CYB5R4: variants seen among roughly 807,000 people sequenced by gnomAD.
The protein encoded by CYB5R4 is cytochrome b5 reductase 4.
Under a neutral mutation model 70.2 loss-of-function variants are expected in CYB5R4, and 55 were observed. The ratio of observed to expected loss-of-function variants is 0.78; its 90% CI spans 0.63 to 0.98. CYB5R4 has a LOEUF of 0.98. Among genes scored for constraint, CYB5R4 ranks in the 50% least tolerant of loss-of-function variants. CYB5R4 has a pLI of 0.00. For synonymous variants in CYB5R4, 197 were observed against 199.5 expected, an observed-to-expected ratio of 0.99 and a Z score of 0.11; for missense variants, 562 against 612.6, an observed-to-expected ratio of 0.92 and a Z score of 0.87.
At chr6:83,882,463 C>G (rs954218657) in intron 2 of CYB5R4, among the ~76,000 whole-genome samples, 1 of 152,110 alleles carries the variant, frequency 6.6e-6, no homozygotes, top group African/African-American at 2.4e-5. Context: ...GAGTTGTGTC[C>G]AGTCGAGTTA....
rs1434829981 is a variant in CYB5R4 at position 83,966,279 on chromosome 6, A to G, written c.*6401A>G. On this transcript the variant is annotated 3_prime_UTR_variant, in exon 16 of 16. Coordinates refer to ENST00000369681, the MANE Select transcript of CYB5R4 (RefSeq NM_016230.4). ...AGATGAATTGTATCTAATTTGAACC[A>G]TATCTCAGTAAAGATATAAAAATGT... 1 of 152,250 alleles carries G rather than the reference A, an allele frequency of 6.6e-6. No homozygotes were observed. Among genetic ancestry groups the G allele is most frequent in the African/African-American group, 2.4e-5 (1 of 41,472 alleles). The allele number at this position is 152,250 out of a possible 1,614,324, so 9.4% of individuals were successfully genotyped here. A position where few individuals can be genotyped will look rare whatever the true frequency, so the allele number is the denominator to read the frequency against.
intron 2 of CYB5R4, among the ~76,000 whole-genome samples, chr6:83,887,053 CAAAT>C (rs937497054): frequency 2.6e-5 from 4 of 151,968 alleles, no homozygotes; most frequent in Non-Finnish European, 4.4e-5. Flanking sequence ...AAATTGAAAA[CAAAT>C]AAATATAAAA....
chr6:83,923,690 A>G (rs369789394), intron 9 of CYB5R4, among the ~76,000 whole-genome samples: 1 of 152,142 alleles, frequency 6.6e-6, no homozygotes, highest in Non-Finnish European at 1.5e-5. Context: ...ATTCACATGC[A>G]CTTTATCAAT....
chr6:83,959,546 A>G (rs1178512738), intron 15 of CYB5R4, among the ~76,000 whole-genome samples: 2 of 152,184 alleles, frequency 1.3e-5, no homozygotes, highest in Admixed American at 1.3e-4. Flanking sequence ...GCCAATCATA[A>G]TGAGTAAATT....
At chr6:83,916,663 T>C (rs1297374087) in intron 5 of CYB5R4, among the ~76,000 whole-genome samples, 1 of 152,144 alleles carries the variant, frequency 6.6e-6, no homozygotes, top group African/African-American at 2.4e-5. Context: ...CAGAGTTATG[T>C]GGGAAGAAAT....
intron 9 of CYB5R4, 72 bp from the exon 10 acceptor site, chr6:83,924,398 G>A (rs1018692633): frequency 5.4e-6 from 8 of 1,492,180 alleles, no homozygotes; most frequent in Non-Finnish European, 7.3e-6. Context: ...TACTATTTGA[G>A]AAATACTGGT....
intron 14 of CYB5R4, among the ~76,000 whole-genome samples, chr6:83,941,935 A>T (rs1007460688): frequency 2.0e-5 from 3 of 152,188 alleles, no homozygotes; most frequent in East Asian, 1.9e-4. Flanking sequence ...TTTATTCACA[A>T]ATTACTTACC....
At position 83,940,135 on chromosome 6, in the gene CYB5R4, G is replaced by A; in HGVS notation, c.1188G>A (p.Leu396=). 6.2e-7 allele frequency: 1 copy of A among 1,610,512 alleles called. No individual in the cohort carries two copies. Among genetic ancestry groups the A allele is most frequent in the Middle Eastern group, 1.7e-4 (1 of 6,030 alleles). The change falls in exon 13 of 16, where the codon TTG becomes TTA. Residue 396 remains leucine, a synonymous_variant. Coordinates refer to ENST00000369681, the MANE Select transcript of CYB5R4 (RefSeq NM_016230.4). The part of the protein sequence containing the change: ...KFQELEDLFL[L]AAGTGFTPMV... ...AAGAATTAGAAGATCTCTTTTTGTT[G>A]GCAGCTGGAACAGGCTTCACACCAA...
chr6:83,880,402 A>C (rs562999603), intron 2 of CYB5R4, among the ~76,000 whole-genome samples: 4 of 147,878 alleles, frequency 2.7e-5, no homozygotes, highest in Admixed American at 2.0e-4. Flanking sequence ...AAGTGCTGCT[A>C]ACTGTCACTG....
chr6:83,877,583 C>T (rs562721006), intron 2 of CYB5R4, among the ~76,000 whole-genome samples: 4 of 152,088 alleles, frequency 2.6e-5, no homozygotes, highest in East Asian at 1.9e-4. Flanking sequence ...TGCCAGGCTC[C>T]TTTTGACAAT....
chr6:83,863,751 A>T (rs1251587949), intron 1 of CYB5R4, among the ~76,000 whole-genome samples: 1 of 152,368 alleles, frequency 6.6e-6, no homozygotes, highest in East Asian at 1.9e-4. Flanking sequence ...AAAAATAAGA[A>T]TTATAAAACA....
rs2099473453 is a variant in CYB5R4 at position 83,962,202 on chromosome 6, A to T, written c.*2324A>T. 6.6e-6 allele frequency: 1 copy of T among 152,162 alleles called. No homozygotes were observed. Among genetic ancestry groups the T allele is most frequent in the African/African-American group, 2.4e-5 (1 of 41,428 alleles). 9.4% of individuals were successfully genotyped at this position (152,162 alleles called of 1,614,324 possible). ...CCATACCAGCTAACCCTGTCCTATC[A>T]TCCCTCAGCTGGATTAGTACAGTAG... On this transcript the variant is annotated 3_prime_UTR_variant, in exon 16 of 16. Coordinates refer to ENST00000369681, the MANE Select transcript of CYB5R4 (RefSeq NM_016230.4).
intron 1 of CYB5R4, among the ~76,000 whole-genome samples, chr6:83,863,738 TAAA>T (rs1427446682): frequency 6.6e-6 from 1 of 152,002 alleles, no homozygotes; most frequent in Non-Finnish European, 1.5e-5. Flanking sequence ...AATACAACAA[TAAA>T]AAAATAAGAA....
chr6:83,922,581 A>G (rs1182933743), intron 9 of CYB5R4, 111 bp downstream of exon 9: 5 of 731,066 alleles, frequency 6.8e-6, no homozygotes, highest in East Asian at 5.3e-5. Flanking sequence ...TTTCATGTCT[A>G]TATTTTCACA....
At chr6:83,934,955 A>G (rs1292420059) in intron 11 of CYB5R4, among the ~76,000 whole-genome samples, 1 of 152,188 alleles carries the variant, frequency 6.6e-6, no homozygotes, top group Non-Finnish European at 1.5e-5. Flanking sequence ...TATTGCCAGT[A>G]GTTTAGACAG....
intron 10 of CYB5R4, among the ~76,000 whole-genome samples, chr6:83,925,044 G>T (rs1367426907): frequency 6.6e-6 from 1 of 152,096 alleles, no homozygotes; most frequent in Non-Finnish European, 1.5e-5. Context: ...TGGCTATAAA[G>T]AAATGCCTGA....
At chr6:83,901,516 G>C (rs761482252) in intron 3 of CYB5R4, among the ~76,000 whole-genome samples, 1 of 152,142 alleles carries the variant, frequency 6.6e-6, no homozygotes, top group Non-Finnish European at 1.5e-5. Flanking sequence ...TGCCTTGCTA[G>C]ATTGGGGAAG....
At chr6:83,908,067 A>G (rs552672917) in intron 3 of CYB5R4, among the ~76,000 whole-genome samples, 90 of 151,666 alleles carry the variant, frequency 5.9e-4, no homozygotes, top group African/African-American at 2.1e-3. Context: ...ACTTTCCACA[A>G]TGGTTGAACT....
chr6:83,878,109 A>G (rs969265988), intron 2 of CYB5R4, among the ~76,000 whole-genome samples: 1 of 152,288 alleles, frequency 6.6e-6, no homozygotes, highest in Non-Finnish European at 1.5e-5. Context: ...CCATTAAAGA[A>G]ATTCTTCATT....
Sources: gnomAD v4.1 joint callset for allele counts (sites outside exome capture counted in the v4.1 genomes callset) on GRCh38, gnomAD v4.1.1 for gene constraint, MANE v1.5 for transcripts, NCBI Gene and HGNC (gene_info 2026-07-23, HGNC 2026-07-21) for gene names.